ARID5B: variants seen among roughly 807,000 people sequenced by gnomAD.
ARID5B encodes the protein AT-rich interactive domain-containing protein 5B.
Under a neutral mutation model 97.2 loss-of-function variants are expected in ARID5B, and 13 were observed. That is an observed-to-expected ratio of 0.13 (90% CI 0.09 to 0.21). ARID5B has a LOEUF of 0.21. Among genes scored for constraint, ARID5B ranks in the 10% least tolerant of loss-of-function variants. The pLI is 1.00. For synonymous variants in ARID5B, 556 were observed against 570.3 expected (o/e 0.97, Z 0.36); for missense variants, 1,210 against 1,465.3 (o/e 0.83, Z 2.84).
At chr10:62,051,884 C>T (rs118037389) in intron 5 of ARID5B, among the ~76,000 whole-genome samples, 393 of 151,758 alleles carry the variant, frequency 2.6e-3, no homozygotes, top group Non-Finnish European at 4.3e-3. Flanking sequence ...GAAAATGGGA[C>T]CATTTTGATT....
intron 2 of ARID5B, among the ~76,000 whole-genome samples, chr10:61,915,572 A>C (rs1843886798): frequency 6.6e-6 from 1 of 152,196 alleles, no homozygotes; most frequent in South Asian, 2.1e-4. Flanking sequence ...TAGCCAGGTT[A>C]GAGATGTCCG....
At chr10:62,056,016 G>C (rs1839852210) in intron 5 of ARID5B, among the ~76,000 whole-genome samples, 1 of 152,104 alleles carries the variant, frequency 6.6e-6, no homozygotes, top group Non-Finnish European at 1.5e-5. Flanking sequence ...AAGAATATTG[G>C]AATGTACACA....
intron 3 of ARID5B, among the ~76,000 whole-genome samples, chr10:61,972,667 A>C (rs1320256159): frequency 6.6e-6 from 1 of 152,154 alleles, no homozygotes; most frequent in Non-Finnish European, 1.5e-5. Flanking sequence ...CTATTGCTGG[A>C]CTTTGGGTTT....
intron 2 of ARID5B, among the ~76,000 whole-genome samples, chr10:61,906,177 A>G (rs938408926): frequency 1.3e-5 from 2 of 152,156 alleles, no homozygotes; most frequent in African/African-American, 4.8e-5. Context: ...AATAATTATG[A>G]TTATAGTGAC....
intron 1 of ARID5B, 28 bp downstream of exon 1, chr10:61,901,758 T>TCCCGGCACCC (rs747545926): frequency 1.9e-6 from 3 of 1,611,236 alleles, no homozygotes; most frequent in African/African-American, 1.3e-5. Flanking sequence ...GCTCCTCCGA[T>TCCCGGCACCC]CCCGGCACCC....
Position 62,019,877 on chromosome 10 carries a change from C to G in ARID5B, c.733+19556C>G, listed in dbSNP as rs1225044578. 2.6e-5 allele frequency among the ~76,000 whole-genome samples: 4 copies of G among 152,258 alleles called. No homozygotes were observed. The East Asian group carries it at 7.7e-4, about 29-fold the overall frequency. On this transcript the variant is annotated intron_variant, in intron 4 of 9. Transcript: ENST00000279873. ...TGCTCCTAGGGAGCCACAGAATTAG[C>G]AAGGACTGGTTAATCGCCCAGGGCT...
intron 4 of ARID5B, 47 bp from the exon 5 acceptor site, chr10:62,050,841 C>A: frequency 6.6e-7 from 1 of 1,506,052 alleles, no homozygotes; most frequent in Non-Finnish European, 9.2e-7. Context: ...AATAAAGAAA[C>A]CCATGCAAGT....
At chr10:61,906,819 T>C (rs1346844719) in intron 2 of ARID5B, among the ~76,000 whole-genome samples, 3 of 152,230 alleles carry the variant, frequency 2.0e-5, no homozygotes, top group East Asian at 3.8e-4. Context: ...AGCTGTGTTA[T>C]CTTGGGCAAG....
At chr10:62,043,479 A>T (rs186628532) in intron 4 of ARID5B, among the ~76,000 whole-genome samples, 1 of 152,332 alleles carries the variant, frequency 6.6e-6, no homozygotes, top group Admixed American at 6.5e-5. Context: ...CTCAAGACAC[A>T]GTGGGGGAAC....
intron 2 of ARID5B, among the ~76,000 whole-genome samples, chr10:61,925,369 A>G (rs77592516): frequency 0.013 from 2,013 of 152,144 alleles, 48 homozygotes; most frequent in African/African-American, 0.046. Context: ...GGGCTCATTT[A>G]TCTTCTTTGT....
At chr10:61,951,601 T>C (rs1838325516) in intron 3 of ARID5B, among the ~76,000 whole-genome samples, 1 of 152,196 alleles carries the variant, frequency 6.6e-6, no homozygotes, top group Admixed American at 6.5e-5. Context: ...TAACTTTCAT[T>C]ATTGTTATTT....
intron 4 of ARID5B, among the ~76,000 whole-genome samples, chr10:62,034,960 C>T (rs1839543312): frequency 6.6e-6 from 1 of 152,188 alleles, no homozygotes; most frequent in African/African-American, 2.4e-5. Context: ...GTTGTAGGGG[C>T]TCTCTAGGAG....
rs998693134 is a variant in ARID5B, at chr10:62,052,702, C to T, written c.846+1702C>T. 5.9e-5 allele frequency among the ~76,000 whole-genome samples: 9 copies of T among 152,260 alleles called. No homozygotes were observed. In the East Asian group the frequency reaches 7.7e-4, roughly 13 times the overall value. Reference sequence around the variant, plus strand: ...ACAAGAGCCTGCTATACAGATGGGCCATATTTGATGTTCACTGACTTCTTA... The same window carrying T: ...ACAAGAGCCTGCTATACAGATGGGCTATATTTGATGTTCACTGACTTCTTA... On this transcript the variant is annotated intron_variant, in intron 5 of 9. Transcript: ENST00000279873.
chr10:61,966,337 G>T (rs1838545107), intron 3 of ARID5B, among the ~76,000 whole-genome samples: 1 of 152,028 alleles, frequency 6.6e-6, no homozygotes, highest in South Asian at 2.1e-4. Flanking sequence ...GCCAGCTCTG[G>T]CCCTCCTCCC....
At chr10:61,913,660 T>C (rs1349566165) in intron 2 of ARID5B, among the ~76,000 whole-genome samples, 1 of 152,214 alleles carries the variant, frequency 6.6e-6, no homozygotes, top group African/African-American at 2.4e-5. Context: ...CCCTGTCTTA[T>C]ACCAGTGCAT....
intron 6 of ARID5B, 137 bp downstream of exon 6, chr10:62,057,455 T>C: frequency 1.1e-6 from 1 of 920,172 alleles, no homozygotes; most frequent in Non-Finnish European, 1.6e-6. Flanking sequence ...AATCCATAAA[T>C]GTTCCAGGCC....
intron 4 of ARID5B, among the ~76,000 whole-genome samples, chr10:62,018,777 T>C (rs745793446): frequency 6.6e-6 from 1 of 152,186 alleles, no homozygotes; most frequent in Non-Finnish European, 1.5e-5. Flanking sequence ...CCCATCATAT[T>C]TACTTCTTAA....
At chr10:61,994,187 C>A (rs963532880) in intron 3 of ARID5B, among the ~76,000 whole-genome samples, 1 of 152,024 alleles carries the variant, frequency 6.6e-6, no homozygotes, top group Non-Finnish European at 1.5e-5. Context: ...TAATTAGGTG[C>A]AGGAAGGAAC....
At chr10:61,994,230 C>A (rs1328241103) in intron 3 of ARID5B, among the ~76,000 whole-genome samples, 1 of 151,980 alleles carries the variant, frequency 6.6e-6, no homozygotes, top group Non-Finnish European at 1.5e-5. Flanking sequence ...TCTATAAAAT[C>A]CTGGGGCGAA....
Sources: allele counts gnomAD v4.1 joint callset (sites outside exome capture counted in the v4.1 genomes callset), GRCh38; gene constraint gnomAD v4.1.1; transcripts MANE v1.5; gene names NCBI Gene and HGNC (gene_info 2026-07-23, HGNC 2026-07-21).